Variants in CNTN1 observed in about 807,000 individuals in gnomAD.
CNTN1 encodes contactin-1.
Under a neutral mutation model 126.4 loss-of-function variants are expected in CNTN1, and 38 were observed. The ratio of observed to expected loss-of-function variants is 0.30; its 90% CI spans 0.23 to 0.39. The LOEUF is 0.39. Ranked by LOEUF, CNTN1 falls within the 10% of genes least tolerant of loss-of-function variation. CNTN1 has a pLI of 1.00. For synonymous variants in CNTN1, 413 were observed against 422.6 expected, an observed-to-expected ratio of 0.98 and a Z score of 0.28; for missense variants, 1,009 against 1,248.4, an observed-to-expected ratio of 0.81 and a Z score of 2.89.
intron 1 of CNTN1, among the ~76,000 whole-genome samples, chr12:40,766,195 T>C (rs1454461784): frequency 7.2e-5 from 11 of 151,822 alleles, no homozygotes; most frequent in African/African-American, 2.4e-4. Context: ...CCATCTCTAC[T>C]AAAAATACAA....
At chr12:40,957,610 A>AATAAATAAATAC (rs1197012201) in intron 14 of CNTN1, among the ~76,000 whole-genome samples, 3 of 150,784 alleles carry the variant, frequency 2.0e-5, no homozygotes, top group African/African-American at 7.3e-5. Flanking sequence ...TAAATAAATA[A>AATAAATAAATAC]ATAAATAAAT....
chr12:40,956,176 TTCA>T (rs1245417826), intron 14 of CNTN1, among the ~76,000 whole-genome samples: 1 of 152,092 alleles, frequency 6.6e-6, no homozygotes, highest in Non-Finnish European at 1.5e-5. Context: ...ATTTGACAAG[TTCA>T]TTCAAACAAG....
chr12:41,018,015 C>T (rs1206979028), intron 19 of CNTN1, among the ~76,000 whole-genome samples: 2 of 151,276 alleles, frequency 1.3e-5, no homozygotes, highest in South Asian at 2.1e-4. Flanking sequence ...CGCCTGGACC[C>T]GGGAGGTGAA....
At chr12:40,941,386 C>G (rs1283841658) in intron 12 of CNTN1, among the ~76,000 whole-genome samples, 1 of 151,968 alleles carries the variant, frequency 6.6e-6, no homozygotes, top group Non-Finnish European at 1.5e-5. Flanking sequence ...CAAGGACTAA[C>G]TAAATATTGG....
chr12:40,979,368 T>C (rs1947763078), intron 15 of CNTN1: 1 of 152,064 alleles, frequency 6.6e-6, no homozygotes, highest in Non-Finnish European at 1.5e-5. Flanking sequence ...TGGCCATACC[T>C]CTGCAAATAC....
intron 1 of CNTN1, among the ~76,000 whole-genome samples, chr12:40,754,333 T>C (rs1938518618): frequency 1.3e-5 from 2 of 152,240 alleles, no homozygotes; most frequent in South Asian, 4.1e-4. Context: ...AATGTTCAAG[T>C]CCCTTTTATG....
At chr12:40,737,345 A>G (rs7484967) in intron 1 of CNTN1, among the ~76,000 whole-genome samples, 1,741 of 49,262 alleles carry the variant, frequency 0.035, 24 homozygotes, top group African/African-American at 0.092. Context: ...GTGTGTGTGT[A>G]TATATGTGTG....
chr12:40,985,893 CT>C (rs1947944881), intron 16 of CNTN1, among the ~76,000 whole-genome samples: 2 of 151,720 alleles, frequency 1.3e-5, no homozygotes, highest in Admixed American at 1.3e-4. Context: ...ACGCATGTGT[CT>C]GTTTATCTGC....
chr12:40,887,328 A>G (rs1455334292), intron 1 of CNTN1, among the ~76,000 whole-genome samples: 1 of 152,188 alleles, frequency 6.6e-6, no homozygotes. Context: ...AAAAAAACAA[A>G]AAACCCCATC....
intron 1 of CNTN1, among the ~76,000 whole-genome samples, chr12:40,758,307 T>A (rs796361079): frequency 7.9e-5 from 12 of 151,888 alleles, no homozygotes; most frequent in African/African-American, 2.9e-4. Context: ...AAGTGTTTTT[T>A]TTTTAATTTG....
At chr12:40,937,423 A>G in intron 10 of CNTN1, 147 bp from the exon 11 acceptor site, 6 of 671,402 alleles carry the variant, frequency 8.9e-6, no homozygotes, top group East Asian at 2.8e-5. Flanking sequence ...TTCCCATGCC[A>G]TGAAAATCCC....
chr12:40,901,092 G>C (rs188410425), intron 1 of CNTN1, among the ~76,000 whole-genome samples: 9 of 152,072 alleles, frequency 5.9e-5, no homozygotes, highest in Non-Finnish European at 1.2e-4. Context: ...GTACATTTTC[G>C]TATCTGATCC....
At chr12:40,743,050 G>A (rs1178126469) in intron 1 of CNTN1, among the ~76,000 whole-genome samples, 1 of 152,054 alleles carries the variant, frequency 6.6e-6, no homozygotes, top group Non-Finnish European at 1.5e-5. Flanking sequence ...TATTCTGCAG[G>A]TTGAGGCCGG....
chr12:40,693,532 T>C (rs903021985), intron 1 of CNTN1, among the ~76,000 whole-genome samples: 1 of 152,240 alleles, frequency 6.6e-6, no homozygotes, highest in African/African-American at 2.4e-5. Context: ...CCTCTGGGAC[T>C]GATGACACCC....
intron 1 of CNTN1, among the ~76,000 whole-genome samples, chr12:40,797,680 A>C (rs561399113): frequency 7.2e-5 from 11 of 152,184 alleles, no homozygotes; most frequent in African/African-American, 2.6e-4. Flanking sequence ...GGTACAGAGA[A>C]ATCTTTTAGG....
At chr12:40,923,592 G>T (rs1945527854) in intron 5 of CNTN1, among the ~76,000 whole-genome samples, 1 of 152,106 alleles carries the variant, frequency 6.6e-6, no homozygotes, top group Admixed American at 6.6e-5. Context: ...TCAGAGGGTA[G>T]AAACATTCTG....
At position 41,020,535 on chromosome 12, in the gene CNTN1, T is replaced by C. The variant is rs537389503; in HGVS notation, c.2523+95T>C. The C allele has an allele frequency of 1.1e-5, 9 of 783,174 alleles. No individual in the cohort carries two copies. The South Asian group carries it at 1.3e-4, about 11-fold the overall frequency. The allele number at this position is 783,174 out of a possible 1,614,324, so 48.5% of individuals were successfully genotyped here. A position where few individuals can be genotyped will look rare whatever the true frequency, so the allele number is the denominator to read the frequency against. Reference sequence around the variant, plus strand: ...TGTATGTTTCAATGTCCCATTAATTTATGTGGCAACTAATACTTTATTCTC... The same window carrying C: ...TGTATGTTTCAATGTCCCATTAATTCATGTGGCAACTAATACTTTATTCTC... On this transcript the variant is annotated intron_variant, in intron 20 of 23. Transcript: ENST00000551295.
At position 40,743,027 on chromosome 12, in the gene CNTN1, G is replaced by A. The variant is rs141761750; in HGVS notation, c.-77+50435G>A. 5.9e-3 allele frequency among the ~76,000 whole-genome samples: 892 copies of A among 152,170 alleles called. 5 individuals carry two copies. Among genetic ancestry groups the A allele is most frequent in the African/African-American group, 0.021 (858 of 41,544 alleles). On this transcript the variant is annotated intron_variant, in intron 1 of 23. Transcript: ENST00000551295. Reference sequence around the variant, plus strand: ...GAAAACTGTATTATGGGAATGCGGCGAGCAGGACAAATTATTCTGCAGGTT... The same window carrying A: ...GAAAACTGTATTATGGGAATGCGGCAAGCAGGACAAATTATTCTGCAGGTT...
rs146157392 is a variant in CNTN1, at chr12:40,753,511, G to A, written c.-77+60919G>A. On this transcript the variant is annotated intron_variant, in intron 1 of 23. Coordinates refer to ENST00000551295, the MANE Select transcript of CNTN1 (RefSeq NM_001843.4). ...TCATGGCGGAAGGGGAAGCAAACAC[G>A]TCCTTCTTCACATGGTGGCAGCAAG... is the stretch of plus-strand genomic sequence containing the variant. Among the ~76,000 whole-genome samples, 7 of 152,154 alleles carry A rather than the reference G, an allele frequency of 4.6e-5. No individual in the cohort carries two copies. In the East Asian group the frequency reaches 5.8e-4, roughly 13 times the overall value.
Sources: gnomAD v4.1 joint callset for allele counts (sites outside exome capture counted in the v4.1 genomes callset) on GRCh38, gnomAD v4.1.1 for gene constraint, MANE v1.5 for transcripts, NCBI Gene and HGNC (gene_info 2026-07-23, HGNC 2026-07-21) for gene names.